Variants in MED13L observed in about 807,000 individuals in gnomAD.
MED13L encodes mediator complex subunit 13L.
A neutral mutation model predicts 220.9 loss-of-function variants in MED13L; 7 were observed. The observed-to-expected ratio is 0.03, with a 90% CI of 0.02 to 0.06. The LOEUF is 0.06. Ranked by LOEUF, MED13L falls within the 10% of genes least tolerant of loss-of-function variation. The probability of loss-of-function intolerance (pLI) is 1.00; values close to 1 mark genes in which losing one functional copy is unlikely to be tolerated. For synonymous variants in MED13L, 1,011 were observed against 1,015.2 expected, an observed-to-expected ratio of 1.00 and a Z score of 0.08; for missense variants, 1,965 against 2,760.5, an observed-to-expected ratio of 0.71 and a Z score of 6.46.
chr12:116,177,708 C>A (rs1456545914), intron 2 of MED13L, among the ~76,000 whole-genome samples: 1 of 151,974 alleles, frequency 6.6e-6, no homozygotes, highest in African/African-American at 2.4e-5. Context: ...TAAAAACATA[C>A]AAAAAGGTAA....
intron 2 of MED13L, among the ~76,000 whole-genome samples, chr12:116,211,934 A>C (rs1465143633): frequency 6.6e-6 from 1 of 152,148 alleles, no homozygotes; most frequent in African/African-American, 2.4e-5. Flanking sequence ...GAGTAGGCAT[A>C]TAGTACTGTA....
intron 17 of MED13L, 41 bp from the exon 18 acceptor site, chr12:115,987,329 T>TAGC (rs1877761837): frequency 4.4e-6 from 7 of 1,577,084 alleles, no homozygotes; most frequent in Non-Finnish European, 6.1e-6. Flanking sequence ...ATAAGGGGGC[T>TAGC]AGCACCCTCC....
chr12:116,009,251 T>C, intron 9 of MED13L, 119 bp from the exon 10 acceptor site: 1 of 939,496 alleles, frequency 1.1e-6, no homozygotes, highest in Non-Finnish European at 1.6e-6. Flanking sequence ...GCTCTAAGTT[T>C]TTAATTATAC....
At chr12:116,133,116 T>C (rs61939700) in intron 2 of MED13L, among the ~76,000 whole-genome samples, 19,462 of 152,164 alleles carry the variant, frequency 0.13, 1,576 homozygotes, top group South Asian at 0.19. Context: ...GACCATTCGA[T>C]AGAAGGAAAA....
intron 4 of MED13L, among the ~76,000 whole-genome samples, chr12:116,047,379 G>A (rs536554899): frequency 2.0e-5 from 3 of 152,030 alleles, no homozygotes; most frequent in Non-Finnish European, 4.4e-5. Context: ...AAGAAATAAA[G>A]ACAAAAACAT....
chr12:115,960,843 C>A lies in MED13L; in HGVS notation c.*423G>T. ...CCCAGATTATGGAGTTCAGGTAACC[C>A]ACAGGCCATACACCAGTAACTAAGA... is the stretch of plus-strand genomic sequence containing the variant. On this transcript the variant is annotated 3_prime_UTR_variant, in exon 31 of 31. Transcript: ENST00000281928. 1 of 250,916 alleles carries A rather than the reference C, an allele frequency of 4.0e-6. No individual in the cohort carries two copies. The highest frequency in any genetic ancestry group is 7.9e-6 in the Non-Finnish European group (1 of 125,818). The allele number at this position is 250,916 out of a possible 1,614,324, so 15.5% of individuals were successfully genotyped here. A position where few individuals can be genotyped will look rare whatever the true frequency, so the allele number is the denominator to read the frequency against.
chr12:116,030,703 G>C (rs2137487574), intron 4 of MED13L, among the ~76,000 whole-genome samples: 1 of 152,174 alleles, frequency 6.6e-6, no homozygotes, highest in Non-Finnish European at 1.5e-5. Context: ...ACAATCCTGG[G>C]AACAAACATA....
intron 2 of MED13L, among the ~76,000 whole-genome samples, chr12:116,168,036 T>A (rs891511419): frequency 6.6e-6 from 1 of 152,140 alleles, no homozygotes; most frequent in African/African-American, 2.4e-5. Context: ...CACATGCAAT[T>A]TTCCTAAACA....
At chr12:116,240,536 ATT>A (rs201638026) in intron 1 of MED13L, among the ~76,000 whole-genome samples, 6 of 143,810 alleles carry the variant, frequency 4.2e-5, no homozygotes, top group Admixed American at 6.9e-5. Context: ...GATTTATTTT[ATT>A]TTTTTTTTTT....
In MED13L at chr12:116,168,450, G is replaced by A. The variant is rs185903897; in HGVS notation, c.311-56938C>T. Among the ~76,000 whole-genome samples the A allele has an allele frequency of 3.6e-3, 549 of 151,996 alleles. 19 individuals are homozygous for A. Among genetic ancestry groups the A allele is most frequent in the Non-Finnish European group, 3.5e-4 (24 of 67,982 alleles). On this transcript the variant is annotated intron_variant, in intron 2 of 30. Coordinates refer to ENST00000281928, the MANE Select transcript of MED13L (RefSeq NM_015335.5). Reference sequence around the variant, plus strand: ...TTCACTACTGTGAATACACTAACAGGCCTTCTTATAACCTGAGTAAAAGCT... The same window carrying A: ...TTCACTACTGTGAATACACTAACAGACCTTCTTATAACCTGAGTAAAAGCT...
At chr12:115,980,964 A>C (rs1018010475) in intron 22 of MED13L, 26 bp from the exon 23 acceptor site, 92 of 1,594,580 alleles carry the variant, frequency 5.8e-5, no homozygotes, top group Admixed American at 2.4e-4. Flanking sequence ...CAAAAAAAAA[A>C]CAAAAACCAA....
At chr12:116,126,419 T>C (rs902856965) in intron 2 of MED13L, among the ~76,000 whole-genome samples, 3 of 152,146 alleles carry the variant, frequency 2.0e-5, no homozygotes, top group African/African-American at 7.2e-5. Context: ...CAAGGTGCAG[T>C]GGTTTCTTCC....
chr12:116,157,576 C>G (rs1878539558), intron 2 of MED13L, among the ~76,000 whole-genome samples: 1 of 152,254 alleles, frequency 6.6e-6, no homozygotes, highest in African/African-American at 2.4e-5. Flanking sequence ...CTCAACATAA[C>G]TGAACTACCT....
intron 6 of MED13L, 132 bp downstream of exon 6, chr12:116,019,646 A>T: frequency 8.5e-7 from 1 of 1,174,910 alleles, no homozygotes; most frequent in Non-Finnish European, 1.2e-6. Flanking sequence ...CTCAGTACAT[A>T]CCATTGTGTC....
intron 23 of MED13L, among the ~76,000 whole-genome samples, chr12:115,976,370 T>C (rs1388140712): frequency 6.6e-6 from 1 of 152,012 alleles, no homozygotes; most frequent in African/African-American, 2.4e-5. Context: ...AACAGATGAA[T>C]CTCAACAATG....
intron 30 of MED13L, among the ~76,000 whole-genome samples, chr12:115,961,748 G>C (rs1037858285): frequency 6.6e-6 from 1 of 152,164 alleles, no homozygotes; most frequent in Non-Finnish European, 1.5e-5. Flanking sequence ...GGTGGGGGTG[G>C]ATCACCTGAG....
Position 115,963,122 on chromosome 12 carries a change from C to G in MED13L, c.6500+285G>C, listed in dbSNP as rs540814400. Among the ~76,000 whole-genome samples, 7 of 152,318 alleles carry G rather than the reference C, an allele frequency of 4.6e-5. No homozygotes were observed. In the East Asian group the frequency reaches 1.3e-3, roughly 29 times the overall value. On this transcript the variant is annotated intron_variant, in intron 30 of 30. Coordinates refer to ENST00000281928, the MANE Select transcript of MED13L (RefSeq NM_015335.5). Reference sequence around the variant, plus strand: ...CCAGACACTGTCTTCTAACTATCCACCCCCAAGATCTGACCTCTCTTCATC... The same window carrying G: ...CCAGACACTGTCTTCTAACTATCCAGCCCCAAGATCTGACCTCTCTTCATC...
chr12:116,139,389 A>G (rs2138040473), intron 2 of MED13L, among the ~76,000 whole-genome samples: 1 of 152,302 alleles, frequency 6.6e-6, no homozygotes, highest in East Asian at 1.9e-4. Flanking sequence ...TTTTTCAAAG[A>G]AGGGTATCAC....
At chr12:116,012,273 CAAA>C (rs941666439) in intron 9 of MED13L, among the ~76,000 whole-genome samples, 7 of 151,906 alleles carry the variant, frequency 4.6e-5, no homozygotes, top group African/African-American at 1.7e-4. Context: ...AAATTTTCTA[CAAA>C]AAAAGCAATC....
Sources: gnomAD v4.1 joint callset for allele counts (sites outside exome capture counted in the v4.1 genomes callset) on GRCh38, gnomAD v4.1.1 for gene constraint, MANE v1.5 for transcripts, NCBI Gene and HGNC (gene_info 2026-07-23, HGNC 2026-07-21) for gene names.